Variants in MPZL3 observed in about 807,000 individuals in gnomAD.
The protein encoded by MPZL3 is myelin protein zero like 3, also known as myelin protein zero-like protein 3.
MPZL3 carries 23 observed loss-of-function variants against 24.8 expected under a neutral mutation model. The ratio of observed to expected loss-of-function variants is 0.93; its 90% CI spans 0.67 to 1.31. The LOEUF is 1.31. MPZL3 is among the 40% of genes most tolerant of loss of function. The probability of loss-of-function intolerance (pLI) is 0.00; values close to 1 mark genes in which losing one functional copy is unlikely to be tolerated. For synonymous variants in MPZL3, 99 were observed against 106.5 expected, an observed-to-expected ratio of 0.93 and a Z score of 0.44; for missense variants, 277 against 294.9, an observed-to-expected ratio of 0.94 and a Z score of 0.44.
At chr11:118,248,651 G>GAA (rs34623109) in intron 1 of MPZL3, among the ~76,000 whole-genome samples, 4 of 149,772 alleles carry the variant, frequency 2.7e-5, no homozygotes, top group African/African-American at 4.9e-5. Flanking sequence ...CAGGGCTGGT[G>GAA]AAAAAAAAAA....
chr11:118,242,732 T>C (rs896998799), intron 1 of MPZL3, among the ~76,000 whole-genome samples: 5 of 152,232 alleles, frequency 3.3e-5, no homozygotes, highest in Non-Finnish European at 5.9e-5. Flanking sequence ...CGGCCCCCTT[T>C]GCGGTGCCTT....
At chr11:118,237,376 G>A (rs1302675137) in intron 2 of MPZL3, 116 bp from the exon 3 acceptor site, 1 of 913,456 alleles carries the variant, frequency 1.1e-6, no homozygotes, top group Non-Finnish European at 1.7e-6. Context: ...TTTTCAGTTG[G>A]GCAACTTTTT....
chr11:118,241,915 C>A (rs1222261497), intron 1 of MPZL3, among the ~76,000 whole-genome samples: 2 of 152,198 alleles, frequency 1.3e-5, no homozygotes, highest in Admixed American at 1.3e-4. Context: ...ACCTGTCCTG[C>A]CTTCTGTGCC....
chr11:118,239,017 G>T (rs1396297980), intron 2 of MPZL3, among the ~76,000 whole-genome samples: 2 of 152,162 alleles, frequency 1.3e-5, no homozygotes, highest in Non-Finnish European at 2.9e-5. Context: ...ACACAATCCT[G>T]ATTGACTAAC....
chr11:118,232,648 A>T (rs1949369335), intron 5 of MPZL3, among the ~76,000 whole-genome samples: 1 of 152,200 alleles, frequency 6.6e-6, no homozygotes, highest in South Asian at 2.1e-4. Context: ...TCTTAAAAAT[A>T]TCCGAGCCTC....
At chr11:118,236,378 G>A (rs1420866662) in intron 3 of MPZL3, among the ~76,000 whole-genome samples, 2 of 152,050 alleles carry the variant, frequency 1.3e-5, no homozygotes, top group Non-Finnish European at 2.9e-5. Flanking sequence ...AAGAAGGAAG[G>A]AAGGGAGGGA....
rs1163300957 is a variant in MPZL3 at position 118,228,024 on chromosome 11, A to G, written c.*1870T>C. ...CAGACAACCACAAAAGTTAACAAGC[A>G]GTCCCAAAGTACCGTGAGGTTTAAC... On this transcript the variant is annotated 3_prime_UTR_variant, in exon 6 of 6. Transcript: ENST00000278949. The G allele has an allele frequency of 6.6e-6, 1 of 152,212 alleles. No homozygotes were observed. Among genetic ancestry groups the G allele is most frequent in the Non-Finnish European group, 1.5e-5 (1 of 68,036 alleles). 9.4% of individuals were successfully genotyped at this position (152,212 alleles called of 1,614,324 possible).
At chr11:118,249,434 A>G (rs1288069773) in intron 1 of MPZL3, among the ~76,000 whole-genome samples, 4 of 152,208 alleles carry the variant, frequency 2.6e-5, no homozygotes, top group Non-Finnish European at 5.9e-5. Flanking sequence ...TCCAACATTA[A>G]TTCACTCAGA....
intron 1 of MPZL3, among the ~76,000 whole-genome samples, chr11:118,241,838 G>C (rs539214981): frequency 6.6e-6 from 1 of 152,276 alleles, no homozygotes; most frequent in African/African-American, 2.4e-5. Flanking sequence ...ATAAGAATCT[G>C]ACCCTCCCAA....
chr11:118,250,383 A>G (rs766132182), intron 1 of MPZL3, among the ~76,000 whole-genome samples: 4 of 151,996 alleles, frequency 2.6e-5, no homozygotes, highest in Non-Finnish European at 5.9e-5. Flanking sequence ...GCCAGGGGCT[A>G]AGGGAAATGG....
Sources: gnomAD v4.1 joint callset for allele counts (sites outside exome capture counted in the v4.1 genomes callset) on GRCh38, gnomAD v4.1.1 for gene constraint, MANE v1.5 for transcripts, NCBI Gene and HGNC (gene_info 2026-07-23, HGNC 2026-07-21) for gene names.